The following TFEC variants were observed in gnomAD, a reference collection of about 807,000 sequenced individuals.
The protein encoded by TFEC is transcription factor EC, also known as class E basic helix-loop-helix protein 34.
Under a neutral mutation model 41.6 loss-of-function variants are expected in TFEC, and 31 were observed. The observed-to-expected ratio is 0.74, with a 90% CI of 0.56 to 1.01. The LOEUF is 1.01. Ranked by LOEUF, TFEC falls within the 50% of genes least tolerant of loss-of-function variation. TFEC has a pLI of 0.00. For synonymous variants in TFEC, 143 were observed against 140.6 expected (o/e 1.02, Z -0.12); for missense variants, 402 against 404.1 (o/e 0.99, Z 0.04).
chr7:115,954,512 A>G, intron 5 of TFEC, 74 bp downstream of exon 5: 2 of 1,251,136 alleles, frequency 1.6e-6, no homozygotes, highest in South Asian at 3.0e-5. Flanking sequence ...TATGGAGTAT[A>G]ATAAAAGACC....
At chr7:116,002,442 C>G (rs982949487) in intron 1 of TFEC, among the ~76,000 whole-genome samples, 15 of 152,276 alleles carry the variant, frequency 9.9e-5, no homozygotes, top group African/African-American at 3.1e-4. Context: ...ACAATCTTCA[C>G]ATGTTCTCAT....
chr7:116,001,879 A>T (rs941666568), intron 1 of TFEC, among the ~76,000 whole-genome samples: 10 of 152,162 alleles, frequency 6.6e-5, no homozygotes, highest in African/African-American at 2.4e-4. Context: ...CAGGTATATA[A>T]AAAGGTGCTC....
intron 1 of TFEC, among the ~76,000 whole-genome samples, chr7:116,024,299 C>T (rs574571749): frequency 5.9e-5 from 9 of 152,148 alleles, no homozygotes; most frequent in African/African-American, 1.7e-4. Context: ...TATGGAGAGG[C>T]GAGGTTGTTC....
At position 115,984,491 on chromosome 7, in the gene TFEC, G is replaced by A; in HGVS notation, c.-50C>T. 1 of 1,613,984 alleles carries A rather than the reference G, an allele frequency of 6.2e-7. No individual in the cohort carries two copies. Among genetic ancestry groups the A allele is most frequent in the Non-Finnish European group, 8.5e-7 (1 of 1,179,944 alleles). On this transcript the variant is annotated 5_prime_UTR_variant, in exon 2 of 8. Coordinates refer to ENST00000265440, the MANE Select transcript of TFEC (RefSeq NM_012252.4). Reference sequence around the variant, plus strand: ...GGCTTTCTGTAGCTGAGGCCTTGCAGAACTTTCCAGGTGTGCTGGGACCTA... The same window carrying A: ...GGCTTTCTGTAGCTGAGGCCTTGCAAAACTTTCCAGGTGTGCTGGGACCTA...
At chr7:116,061,987 T>G (rs1337025218) in intron 3 of TFEC, among the ~76,000 whole-genome samples, 4 of 151,874 alleles carry the variant, frequency 2.6e-5, no homozygotes, top group Non-Finnish European at 5.9e-5. Context: ...CATACTCTGC[T>G]GGTAGGAATT....
intron 3 of TFEC, among the ~76,000 whole-genome samples, chr7:116,036,423 A>T (rs1795911062): frequency 6.6e-6 from 1 of 152,114 alleles, no homozygotes. Flanking sequence ...GACAAAACTT[A>T]AAAGTGCTAG....
chr7:116,042,066 A>G lies in TFEC; in HGVS notation c.199-57553T>C, dbSNP rs925793762. ...GTGCCTAGTAACCTTAATTTTAAAGAAAAAAAAACAGGTGAATGTAGGTGA... is the reference window on the plus strand; with the variant it reads ...GTGCCTAGTAACCTTAATTTTAAAGGAAAAAAAACAGGTGAATGTAGGTGA... On this transcript the variant is annotated intron_variant, in intron 3 of 8. Coordinates refer to the TFEC transcript ENST00000484212. 2.4e-4 allele frequency among the ~76,000 whole-genome samples: 25 copies of G among 102,064 alleles called. 1 individual carries two copies. Among genetic ancestry groups the G allele is most frequent in the African/African-American group, 7.3e-4 (22 of 30,080 alleles). 67.0% of individuals were successfully genotyped at this position (102,064 alleles called of 152,430 possible). A position where few individuals can be genotyped will look rare whatever the true frequency, so the allele number is the denominator to read the frequency against.
At chr7:116,114,986 T>A (rs1249402951) in intron 1 of TFEC, among the ~76,000 whole-genome samples, 1 of 151,732 alleles carries the variant, frequency 6.6e-6, no homozygotes, top group Admixed American at 6.6e-5. Context: ...ACACACTGAC[T>A]GTCATGAGCA....
At chr7:116,053,465 C>A (rs567461601) in intron 3 of TFEC, among the ~76,000 whole-genome samples, 1 of 152,154 alleles carries the variant, frequency 6.6e-6, no homozygotes, top group Admixed American at 6.5e-5. Context: ...AGTGTTGATA[C>A]GGTTTGAATG....
rs546412802 is a variant in TFEC, at chr7:115,971,498, C to A, written c.267+2672G>T. ...TTTTGTTTTTCCTCACTTTATCTAC[C>A]TTTTGGGGGGAAAAAAAAGGCTACA... is the stretch of plus-strand genomic sequence containing the variant. On this transcript the variant is annotated intron_variant, in intron 3 of 7. Transcript: ENST00000265440. 4.6e-5 allele frequency among the ~76,000 whole-genome samples: 7 copies of A among 151,712 alleles called. No individual in the cohort carries two copies. In the South Asian group the frequency reaches 1.2e-3, roughly 27 times the overall value.
intron 3 of TFEC, among the ~76,000 whole-genome samples, chr7:116,083,671 A>C (rs1206382065): frequency 6.6e-6 from 1 of 151,970 alleles, no homozygotes; most frequent in African/African-American, 2.4e-5. Flanking sequence ...TTCAAATGGG[A>C]AATATACATA....
At chr7:115,966,569 G>A (rs991810267) in intron 3 of TFEC, among the ~76,000 whole-genome samples, 1 of 151,628 alleles carries the variant, frequency 6.6e-6, no homozygotes, top group African/African-American at 2.4e-5. Flanking sequence ...TCTAAGAAAT[G>A]AAATCATCAT....
intron 1 of TFEC, among the ~76,000 whole-genome samples, chr7:116,000,046 T>C (rs1339042197): frequency 6.6e-6 from 1 of 152,012 alleles, no homozygotes; most frequent in African/African-American, 2.4e-5. Context: ...CTATCCCCAA[T>C]GAACATTGAT....
intron 3 of TFEC, among the ~76,000 whole-genome samples, chr7:116,095,073 C>T (rs1797419995): frequency 6.6e-6 from 1 of 152,046 alleles, no homozygotes; most frequent in African/African-American, 2.4e-5. Context: ...AAGCGTAATA[C>T]CCACTTGCAA....
At chr7:116,034,676 A>C (rs1320628537), upstream of TFEC, among the ~76,000 whole-genome samples, 8 of 137,062 alleles carry the variant, frequency 5.8e-5, no homozygotes, top group Non-Finnish European at 1.1e-4. Flanking sequence ...ACTAACACGC[A>C]CAGGCATGCA....
chr7:116,093,646 T>C lies in TFEC; in HGVS notation c.198+17062A>G, dbSNP rs1478934581. Among the ~76,000 whole-genome samples the C allele has an allele frequency of 6.6e-5, 10 of 152,298 alleles. No individual in the cohort carries two copies. The East Asian group carries it at 1.7e-3, about 26-fold the overall frequency. On this transcript the variant is annotated intron_variant, in intron 3 of 8. Coordinates refer to the TFEC transcript ENST00000484212. ...CACTTCATATTCCATATTTTACATC[T>C]GCTATGCCAAAAATAATCTCTAACT...
chr7:116,042,796 T>C (rs1796071161), intron 3 of TFEC, among the ~76,000 whole-genome samples: 1 of 152,144 alleles, frequency 6.6e-6, no homozygotes, highest in East Asian at 1.9e-4. Context: ...CATTAAGAAA[T>C]CTCTTTAATT....
At chr7:116,045,667 G>C (rs1328525989) in intron 3 of TFEC, among the ~76,000 whole-genome samples, 2 of 152,260 alleles carry the variant, frequency 1.3e-5, no homozygotes, top group African/African-American at 4.8e-5. Flanking sequence ...GGAAATGCGG[G>C]GTTTGAGCCC....
At chr7:116,051,360 A>G (rs1796308014) in intron 3 of TFEC, among the ~76,000 whole-genome samples, 2 of 152,248 alleles carry the variant, frequency 1.3e-5, no homozygotes, top group Admixed American at 6.5e-5. Context: ...CATATTACAA[A>G]TGAGAAAACT....
Sources: gnomAD v4.1 joint callset for allele counts (sites outside exome capture counted in the v4.1 genomes callset) on GRCh38, gnomAD v4.1.1 for gene constraint, MANE v1.5 for transcripts, NCBI Gene and HGNC (gene_info 2026-07-23, HGNC 2026-07-21) for gene names.